The following SCN10A variants were observed in gnomAD, a reference collection of about 807,000 sequenced individuals.
SCN10A encodes sodium channel protein type 10 subunit alpha.
SCN10A carries 162 observed loss-of-function variants against 170.7 expected under a neutral mutation model. The ratio of observed to expected loss-of-function variants is 0.95; its 90% confidence interval spans 0.84 to 1.08. The LOEUF is 1.08. Ranked by LOEUF, SCN10A falls within the 50% of genes least tolerant of loss-of-function variation. SCN10A has a pLI of 0.00. For missense variants in SCN10A, 2,527 were observed against 2,436.9 expected (o/e 1.04, Z -0.78); for synonymous variants, 985 against 904.6 (o/e 1.09, Z -1.59).
At chr3:38,739,366 C>A (rs2063604517) in intron 15 of SCN10A, 149 bp downstream of exon 15, 3 of 639,652 alleles carry the variant, frequency 4.7e-6, no homozygotes, top group Non-Finnish European at 2.5e-6. Flanking sequence ...GCCACAGACC[C>A]AAGTCTCCAG....
chr3:38,732,096 A>G (rs535312761), intron 15 of SCN10A, among the ~76,000 whole-genome samples: 1 of 152,248 alleles, frequency 6.6e-6, no homozygotes, highest in Non-Finnish European at 1.5e-5. Context: ...GTGAATCTAA[A>G]TAAACATTGA....
chr3:38,773,025 C>T (rs369118138), intron 4 of SCN10A, among the ~76,000 whole-genome samples: 13 of 151,922 alleles, frequency 8.6e-5, no homozygotes, highest in African/African-American at 2.7e-4. Flanking sequence ...AATAGGAGGT[C>T]TAGAAAGAAA....
At chr3:38,714,487 G>A (rs1288359190) in intron 21 of SCN10A, among the ~76,000 whole-genome samples, 1 of 152,176 alleles carries the variant, frequency 6.6e-6, no homozygotes, top group Non-Finnish European at 1.5e-5. Flanking sequence ...TCTATTCTGA[G>A]GAATATAGTA....
chr3:38,756,318 C>T (rs2063804515), intron 10 of SCN10A, among the ~76,000 whole-genome samples: 2 of 151,736 alleles, frequency 1.3e-5, no homozygotes, highest in Non-Finnish European at 2.9e-5. Context: ...AAAAAGCTGG[C>T]CCCCTTGCCT....
At chr3:38,788,156 A>C (rs1428090943) in intron 4 of SCN10A, among the ~76,000 whole-genome samples, 2 of 149,358 alleles carry the variant, frequency 1.3e-5, no homozygotes, top group Admixed American at 1.4e-4. Flanking sequence ...CTTTTCCTTT[A>C]ATCTATTAAT....
intron 12 of SCN10A, 53 bp downstream of exon 12, chr3:38,752,166 A>G: frequency 7.0e-7 from 1 of 1,435,752 alleles, no homozygotes; most frequent in Non-Finnish European, 9.2e-7. Flanking sequence ...TCTTGGCTCA[A>G]GGCTTCTAGG....
chr3:38,766,036 G>C (rs2063928962), intron 5 of SCN10A, among the ~76,000 whole-genome samples: 1 of 150,252 alleles, frequency 6.7e-6, no homozygotes, highest in African/African-American at 2.4e-5. Context: ...TCCTCAGCTT[G>C]GTTTCTGGTG....
intron 19 of SCN10A, 22 bp from the exon 20 acceptor site, chr3:38,722,434 G>A (rs1291092284): frequency 1.2e-6 from 2 of 1,610,222 alleles, no homozygotes; most frequent in African/African-American, 1.3e-5. Context: ...GGTGACTGAT[G>A]GTGGGTGATG....
At position 38,745,876 on chromosome 3, in the gene SCN10A, T is replaced by C. The variant is rs952213226; in HGVS notation, c.1868-3347A>G. Among the ~76,000 whole-genome samples the C allele has an allele frequency of 3.3e-5, 5 of 151,966 alleles. No homozygotes were observed. In the South Asian group the frequency reaches 1.0e-3, roughly 32 times the overall value. On this transcript the variant is annotated intron_variant, in intron 13 of 27. Coordinates refer to ENST00000449082, the MANE Select transcript of SCN10A (RefSeq NM_006514.4). ...CTGTACCTTCCTTTTCAGTCTCCTC[T>C]GCTGGGTCCATCTCTTCTGCTTAAC...
chr3:38,791,985 G>T (rs1375986865), intron 3 of SCN10A, 65 bp downstream of exon 3: 2 of 1,571,166 alleles, frequency 1.3e-6, no homozygotes, highest in African/African-American at 2.7e-5. Flanking sequence ...CTCTAAAGAA[G>T]GTACTGGACA....
chr3:38,766,080 T>C (rs759799166), intron 5 of SCN10A, among the ~76,000 whole-genome samples: 1 of 152,028 alleles, frequency 6.6e-6, no homozygotes. Flanking sequence ...GTATACATTG[T>C]TTTTGTATCC....
At chr3:38,811,048 C>T (rs1478662915) in intron 1 of SCN10A, among the ~76,000 whole-genome samples, 1 of 152,128 alleles carries the variant, frequency 6.6e-6, no homozygotes, top group African/African-American at 2.4e-5. Context: ...ATACTGGAGC[C>T]ATACTTTCCA....
chr3:38,789,476 G>A lies in SCN10A; in HGVS notation c.390-440C>T, dbSNP rs528549934. The stretch of plus-strand genomic sequence containing the variant: ...ACAAAATGGCCTGAAATTTCATCTG[G>A]CAAATGTCTTTTTTATTCTAAAAGA... On this transcript the variant is annotated intron_variant, in intron 3 of 27. Transcript: ENST00000449082. 2.6e-5 allele frequency among the ~76,000 whole-genome samples: 4 copies of A among 152,172 alleles called. No individual in the cohort carries two copies. The South Asian group carries it at 8.3e-4, about 32-fold the overall frequency.
In SCN10A at chr3:38,718,816, T is replaced by C; in HGVS notation, c.3518A>G (p.Asp1173Gly). ...CGTGGGCTTCTGGTCCAGGTAATAG[T>C]CTTCAAAGGCCTGGAAGGAAGAAAG... ...LLSSGSLAFEDYYLDQKPTVK... is the reference protein window; with the variant it reads ...LLSSGSLAFEGYYLDQKPTVK... Residue 1173 changes from aspartate (D) to glycine (G), a missense_variant, in exon 21 of 28, where the codon GAC (aspartate) becomes GGC (glycine). Physicochemically the swap from Asp to Gly is moderately conservative, Grantham distance 94 (BLOSUM62 -1). Coordinates refer to ENST00000449082, the MANE Select transcript of SCN10A (RefSeq NM_006514.4). 1 of 1,614,004 alleles carries C rather than the reference T, an allele frequency of 6.2e-7. No homozygotes were observed. The highest frequency in any genetic ancestry group is 1.1e-5 in the South Asian group (1 of 91,034).
chr3:38,811,171 G>T, intron 1 of SCN10A, among the ~76,000 whole-genome samples: 1 of 152,142 alleles, frequency 6.6e-6, no homozygotes, highest in East Asian at 1.9e-4. Context: ...TAGAACTACA[G>T]TCCAGGCACG....
intron 22 of SCN10A, 123 bp downstream of exon 22, chr3:38,713,834 GC>G: frequency 8.9e-7 from 1 of 1,122,784 alleles, no homozygotes; most frequent in Non-Finnish European, 1.3e-6. Context: ...CGGCATGTTG[GC>G]CAGGGTGGTT....
chr3:38,734,701 C>A (rs1360147969), intron 15 of SCN10A, among the ~76,000 whole-genome samples: 1 of 152,068 alleles, frequency 6.6e-6, no homozygotes, highest in East Asian at 1.9e-4. Context: ...GATTTCTTAT[C>A]TTTAAAAAAA....
intron 15 of SCN10A, among the ~76,000 whole-genome samples, chr3:38,738,027 C>T (rs2063589535): frequency 1.3e-5 from 2 of 151,794 alleles, no homozygotes; most frequent in Non-Finnish European, 2.9e-5. Flanking sequence ...GCAGCCTCCA[C>T]CTCCCTGGTC....
intron 14 of SCN10A, among the ~76,000 whole-genome samples, chr3:38,741,763 C>T (rs889840895): frequency 2.0e-5 from 3 of 152,314 alleles, no homozygotes; most frequent in South Asian, 2.1e-4. Flanking sequence ...GCTTTTGTTA[C>T]AACAGCAACC....
Sources: gnomAD v4.1 joint callset for allele counts (sites outside exome capture counted in the v4.1 genomes callset) on GRCh38, gnomAD v4.1.1 for gene constraint, MANE v1.5 for transcripts, NCBI Gene and HGNC (gene_info 2026-07-23, HGNC 2026-07-21) for gene names.